RCAN1: variants seen among roughly 807,000 people sequenced by gnomAD.
The protein encoded by RCAN1 is regulator of calcineurin 1.
Under a neutral mutation model 22.9 loss-of-function variants are expected in RCAN1, and 11 were observed. That is an observed-to-expected ratio of 0.48 (90% CI 0.30 to 0.79). RCAN1 has a LOEUF of 0.79. Ranked by LOEUF, RCAN1 falls within the 30% of genes least tolerant of loss-of-function variation. The pLI is 0.06. For missense variants in RCAN1, 291 were observed against 337.8 expected, an observed-to-expected ratio of 0.86 and a Z score of 1.09; for synonymous variants, 136 against 142.3, an observed-to-expected ratio of 0.96 and a Z score of 0.32.
chr21:34,591,746 G>A (rs538194962), intron 1 of RCAN1, among the ~76,000 whole-genome samples: 5 of 152,280 alleles, frequency 3.3e-5, no homozygotes, highest in East Asian at 1.9e-4. Context: ...GCGCTAATAC[G>A]TAAATGTCCA....
intron 1 of RCAN1, among the ~76,000 whole-genome samples, chr21:34,602,156 C>CA (rs1988374953): frequency 3.3e-5 from 5 of 152,142 alleles, no homozygotes; most frequent in Admixed American, 3.3e-4. Context: ...ATGCAATTCT[C>CA]ACAGCATCCT....
chr21:34,566,085 T>C (rs2834545), intron 1 of RCAN1, among the ~76,000 whole-genome samples: 36,853 of 152,100 alleles, frequency 0.24, 5,205 homozygotes, highest in African/African-American at 0.39. Flanking sequence ...AGGGGCACTA[T>C]TTCAGAGCTG....
chr21:34,577,039 G>A (rs895186083), intron 1 of RCAN1, among the ~76,000 whole-genome samples: 1 of 152,210 alleles, frequency 6.6e-6, no homozygotes, highest in African/African-American at 2.4e-5. Flanking sequence ...TCAGCTCCAT[G>A]GAGAAGAGGT....
rs527918950 is a variant in RCAN1 at position 34,604,130 on chromosome 21, T to TG, written c.252+10629dup. ...AGCAGTAACTGGACAGAATCCGTCT[T>TG]GGGGTCACTTCTTTTTTCTTTTTGA... On this transcript the variant is annotated intron_variant, in intron 1 of 3. Transcript: ENST00000313806. Among the ~76,000 whole-genome samples the TG allele has an allele frequency of 4.5e-3, 688 of 152,278 alleles. 4 individuals are homozygous for TG. The highest frequency in any genetic ancestry group is 0.016 in the African/African-American group (652 of 41,562).
At chr21:34,539,818 T>G (rs968577538) in intron 1 of RCAN1, among the ~76,000 whole-genome samples, 1 of 152,260 alleles carries the variant, frequency 6.6e-6, no homozygotes, top group East Asian at 1.9e-4. Flanking sequence ...ATTTCATACC[T>G]AGAAACAGGG....
intron 1 of RCAN1, among the ~76,000 whole-genome samples, chr21:34,555,611 A>G (rs1986531161): frequency 6.6e-6 from 1 of 151,596 alleles, no homozygotes; most frequent in African/African-American, 2.4e-5. Context: ...TAATAAAAAA[A>G]TAAAATTACT....
chr21:34,536,668 G>A (rs893330139), intron 1 of RCAN1, among the ~76,000 whole-genome samples: 3 of 125,798 alleles, frequency 2.4e-5, no homozygotes, highest in Admixed American at 1.5e-4. Context: ...CACACACCAC[G>A]CCGGCACCTG....
intron 1 of RCAN1, among the ~76,000 whole-genome samples, chr21:34,607,539 G>A (rs1265295887): frequency 6.6e-6 from 1 of 152,064 alleles, no homozygotes; most frequent in Non-Finnish European, 1.5e-5. Flanking sequence ...ACAGGCGCGT[G>A]CCACCACACT....
At chr21:34,528,734 C>G (rs773756504) in intron 1 of RCAN1, among the ~76,000 whole-genome samples, 6 of 152,178 alleles carry the variant, frequency 3.9e-5, no homozygotes, top group Admixed American at 3.9e-4. Flanking sequence ...TTTCTCTTCT[C>G]CTGGCATGCA....
chr21:34,605,894 T>C (rs143585312), intron 1 of RCAN1, among the ~76,000 whole-genome samples: 1,812 of 137,138 alleles, frequency 0.013, 28 homozygotes, highest in African/African-American at 0.041. Context: ...TACTCCAGCC[T>C]GGGCAACAGA....
At chr21:34,612,500 C>T (rs1988709968) in intron 1 of RCAN1, among the ~76,000 whole-genome samples, 4 of 152,230 alleles carry the variant, frequency 2.6e-5, no homozygotes. Flanking sequence ...TGGCTCCCTA[C>T]TAACTCCTCT....
chr21:34,545,087 C>T (rs2834519), intron 1 of RCAN1, among the ~76,000 whole-genome samples: 18,785 of 152,192 alleles, frequency 0.12, 1,176 homozygotes, highest in Middle Eastern at 0.16. Context: ...CATCATGGTG[C>T]GGGCTGGACC....
At chr21:34,560,060 A>T (rs1487084879) in intron 1 of RCAN1, 1 of 152,002 alleles carries the variant, frequency 6.6e-6, no homozygotes, top group Non-Finnish European at 1.5e-5. Flanking sequence ...CCATTAAAAA[A>T]CCTTTCTCCC....
chr21:34,525,784 G>A (rs368133307), intron 1 of RCAN1, among the ~76,000 whole-genome samples: 9 of 152,310 alleles, frequency 5.9e-5, no homozygotes, highest in East Asian at 1.9e-4. Context: ...TAAGGCTCAT[G>A]TTAAGTGAAC....
At chr21:34,556,425 CAAA>C (rs1003343270) in intron 1 of RCAN1, among the ~76,000 whole-genome samples, 57 of 54,904 alleles carry the variant, frequency 1.0e-3, no homozygotes, top group African/African-American at 3.5e-3. Context: ...GACCTTGTCT[CAAA>C]AAATAATAAT....
intron 1 of RCAN1, among the ~76,000 whole-genome samples, chr21:34,570,613 A>G (rs906647849): frequency 6.7e-6 from 1 of 149,610 alleles, no homozygotes; most frequent in African/African-American, 2.5e-5. Flanking sequence ...CTGCTGATAC[A>G]TCTCTGTCTT....
At chr21:34,566,589 A>G (rs1987015010) in intron 1 of RCAN1, among the ~76,000 whole-genome samples, 1 of 152,114 alleles carries the variant, frequency 6.6e-6, no homozygotes, top group Non-Finnish European at 1.5e-5. Context: ...GGTCAGAAGC[A>G]CACCAAGCAA....
Position 34,516,648 on chromosome 21 carries a change from G to A in RCAN1, c.*1436C>T, listed in dbSNP as rs763297140. 3 of 152,218 alleles carry A rather than the reference G, an allele frequency of 2.0e-5. No homozygotes were observed. The highest frequency in any genetic ancestry group is 4.4e-5 in the Non-Finnish European group (3 of 68,044). The allele number at this position is 152,218 out of a possible 1,614,324, so 9.4% of individuals were successfully genotyped here. A position where few individuals can be genotyped will look rare whatever the true frequency, so the allele number is the denominator to read the frequency against. ...CCTCTTACCAAGTACCGTAAACAGG[G>A]TTTGAGAACGTTCAATCAATTTCTT... On this transcript the variant is annotated 3_prime_UTR_variant, in exon 4 of 4. Coordinates refer to ENST00000313806, the MANE Select transcript of RCAN1 (RefSeq NM_004414.7).
chr21:34,610,436 ACAGGG>A (rs1308275789), intron 1 of RCAN1, among the ~76,000 whole-genome samples: 4 of 152,158 alleles, frequency 2.6e-5, no homozygotes, highest in Non-Finnish European at 5.9e-5. Flanking sequence ...CCTGTAGGCC[ACAGGG>A]TCAAACAACA....
Sources: allele counts gnomAD v4.1 joint callset (sites outside exome capture counted in the v4.1 genomes callset), GRCh38; gene constraint gnomAD v4.1.1; transcripts MANE v1.5; gene names NCBI Gene and HGNC (gene_info 2026-07-23, HGNC 2026-07-21).